COL6A2: variants seen among roughly 807,000 people sequenced by gnomAD.
COL6A2 encodes collagen type VI alpha 2 chain.
Under a neutral mutation model 124.9 loss-of-function variants are expected in COL6A2, and 90 were observed. That is an observed-to-expected ratio of 0.72 (90% confidence interval 0.61 to 0.86). The LOEUF (loss-of-function observed/expected upper bound fraction) is 0.86, where lower values mean the gene tolerates loss of function less well. COL6A2 is among the 40% of genes least tolerant of loss of function. The pLI is 0.00. For missense variants in COL6A2, 1,607 were observed against 1,502.5 expected, an observed-to-expected ratio of 1.07 and a Z score of -1.15; for synonymous variants, 793 against 618.2, an observed-to-expected ratio of 1.28 and a Z score of -4.19.
At chr21:46,113,864 C>T (rs1185573881) in intron 4 of COL6A2, 144 bp from the exon 5 acceptor site, 2 of 728,048 alleles carry the variant, frequency 2.7e-6, no homozygotes, top group South Asian at 2.9e-5. Context: ...TCACAGCTCC[C>T]TCACGCCCGC....
rs865842163 is a variant in COL6A2, at chr21:46,119,833, G to A, written c.1315G>A (p.Gly439Ser). ...PGTKGSPGSD[G>S]PKGEKGDPGP... The stretch of plus-strand genomic sequence containing the variant: ...CACCAAGGGCAGCCCAGGCAGCGAT[G>A]GCCCCAAGGGGGAGAAGGTGAGTCC... Residue 439 changes from glycine to serine, a missense_variant, in exon 15 of 28, where the codon GGC (glycine) becomes AGC (serine). Gly to Ser is a moderately conservative substitution (Grantham distance 56). Transcript: ENST00000300527. 6.4e-6 allele frequency: 10 copies of A among 1,560,890 alleles called. No individual in the cohort carries two copies. In the East Asian group the frequency reaches 2.1e-4, roughly 33 times the overall value.
At chr21:46,121,462 C>T in intron 17 of COL6A2, 94 bp from the exon 18 acceptor site, 1 of 1,238,810 alleles carries the variant, frequency 8.1e-7, no homozygotes, top group East Asian at 2.4e-5. Flanking sequence ...GCCATGTGGC[C>T]TGGTGGTCAG....
At chr21:46,120,409 C>T (rs2078545354) in intron 15 of COL6A2, 106 bp from the exon 16 acceptor site, 1 of 858,240 alleles carries the variant, frequency 1.2e-6, no homozygotes, top group Admixed American at 2.6e-5. Flanking sequence ...CGGGGTTCTT[C>T]CTCCCAGGCC....
intron 1 of COL6A2, among the ~76,000 whole-genome samples, chr21:46,099,400 G>C (rs892830235): frequency 1.4e-5 from 2 of 140,084 alleles, no homozygotes; most frequent in African/African-American, 5.2e-5. Flanking sequence ...GGAGGCTGCA[G>C]TGAGCTGAGA....
intron 12 of COL6A2, 60 bp downstream of exon 12, chr21:46,117,996 G>A: frequency 6.6e-7 from 1 of 1,524,308 alleles, no homozygotes; most frequent in East Asian, 2.3e-5. Flanking sequence ...GGGCCTCCTG[G>A]AGGCAGCCCC....
chr21:46,114,976 C>G (rs2078451482), intron 5 of COL6A2, among the ~76,000 whole-genome samples: 1 of 152,228 alleles, frequency 6.6e-6, no homozygotes, highest in South Asian at 2.1e-4. Context: ...CTGTCTAGAC[C>G]AGTAGGTATC....
chr21:46,109,321 A>C (rs914447474), intron 1 of COL6A2, among the ~76,000 whole-genome samples: 1 of 152,110 alleles, frequency 6.6e-6, no homozygotes, highest in Non-Finnish European at 1.5e-5. Context: ...GCTCTGACTG[A>C]GCCTGGGGCT....
At position 46,125,482 on chromosome 21, in the gene COL6A2, G is replaced by A; in HGVS notation, c.1834G>A (p.Gly612Ser). ...CCCCCCAGACTGTGAGAAGCGCTGT[G>A]GCGCCCTGGACGTGGTCTTCGTCAT... ...CGCCDCEKRC[G>S]ALDVVFVIDS... Residue 612 changes from glycine to serine, a missense_variant, in exon 25 of 28, where the codon GGC becomes AGC. This residue lies in a region of COL6A2 where 1,223 missense variants were observed against 1,052.2 expected (regional missense o/e 1.16). Coordinates refer to ENST00000300527, the MANE Select transcript of COL6A2 (RefSeq NM_001849.4). 6.2e-7 allele frequency: 1 copy of A among 1,612,934 alleles called. No homozygotes were observed. Among genetic ancestry groups the A allele is most frequent in the South Asian group, 1.1e-5 (1 of 91,084 alleles).
At chr21:46,117,966 G>GC (rs1568930912) in intron 12 of COL6A2, 30 bp downstream of exon 12, 5 of 1,601,938 alleles carry the variant, frequency 3.1e-6, no homozygotes, top group Non-Finnish European at 4.3e-6. Flanking sequence ...TACGGGGCAG[G>GC]CGGGGTCACC....
At position 46,124,705 on chromosome 21, in the gene COL6A2, G is replaced by C. The variant is rs775732212; in HGVS notation, c.1726G>C (p.Gly576Arg). The change falls in exon 22 of 28, where the codon GGA (glycine) becomes CGA (arginine). Residue 576 changes from glycine (G) to arginine (R), a missense_variant. By Grantham distance (125) the Gly-to-Arg change is moderately radical. This residue lies in a region of COL6A2 where 1,223 missense variants were observed against 1,052.2 expected (regional missense o/e 1.16). Transcript: ENST00000300527. ...PGPRGPRGVPGPEGEPGPPGD... is the reference protein window; with the variant it reads ...PGPRGPRGVPRPEGEPGPPGD... ...CCCTCGGGGGCCAAGAGGAGTCCCAGGACCCGAGGTAGGTTGGTGGCCAGT... is the reference window on the plus strand; with the variant it reads ...CCCTCGGGGGCCAAGAGGAGTCCCACGACCCGAGGTAGGTTGGTGGCCAGT... 1.2e-6 allele frequency: 2 copies of C among 1,612,798 alleles called. No individual in the cohort carries two copies. Among genetic ancestry groups the C allele is most frequent in the Non-Finnish European group, 1.7e-6 (2 of 1,179,910 alleles).
chr21:46,131,846 G>C, intron 27 of COL6A2, 108 bp from the exon 28 acceptor site: 1 of 1,058,658 alleles, frequency 9.4e-7, no homozygotes, highest in Non-Finnish European at 1.4e-6. Context: ...CCAGTGGTCT[G>C]TGAGGTTGCA....
rs761178457 is a variant in COL6A2, at chr21:46,132,499, G to GAC, written c.3009_3010dup (p.Ser1004ThrfsTer37). The GAC allele has an allele frequency of 6.2e-7, 1 of 1,607,918 alleles. No homozygotes were observed. The highest frequency in any genetic ancestry group is 8.5e-7 in the Non-Finnish European group (1 of 1,179,398). On this transcript the variant is annotated frameshift_variant, in exon 28 of 28. Transcript: ENST00000300527. LOFTEE classifies it high-confidence loss of function. Reference sequence around the variant, plus strand: ...CGCCGTGTTCCACGAGAAGGACTATGACAGCCTGGCGCAACCCGGCTTCTT... The same window carrying GAC: ...CGCCGTGTTCCACGAGAAGGACTATGACACAGCCTGGCGCAACCCGGCTTCTT...
rs1165241866 is a variant in COL6A2 at position 46,116,086 on chromosome 21, CCT to C, written c.900+34_900+35del. 2 of 1,554,322 alleles carry C rather than the reference CCT, an allele frequency of 1.3e-6. No individual in the cohort carries two copies. The highest frequency in any genetic ancestry group is 8.7e-7 in the Non-Finnish European group (1 of 1,149,096). On this transcript the variant is annotated intron_variant, in intron 7 of 27. Coordinates refer to ENST00000300527, the MANE Select transcript of COL6A2 (RefSeq NM_001849.4). The surrounding 1 kb of genome is among the most constrained non-coding windows in gnomAD (Gnocchi z 4.6). ...ACCTCGGCCAGGGGCTTGGCTCCAC[CCT>C]GAGGCCCCAGCACTGCCAGGCAGGC...
Position 46,132,702 on chromosome 21 carries a change from A to AGCCCCG in COL6A2, c.*156_*161dup. The AGCCCCG allele has an allele frequency of 1.2e-6, 1 of 803,952 alleles. No individual in the cohort carries two copies. Among genetic ancestry groups the AGCCCCG allele is most frequent in the Non-Finnish European group, 2.0e-6 (1 of 504,674 alleles). 49.8% of individuals were successfully genotyped at this position (803,952 alleles called of 1,614,324 possible). The stretch of plus-strand genomic sequence containing the variant: ...CCAGCTCCTCCCACGGGGTCCCCGT[A>AGCCCCG]GCCCCGGCCCCCGCCCAGCCCCAGG... On this transcript the variant is annotated 3_prime_UTR_variant, in exon 28 of 28. Coordinates refer to ENST00000300527, the MANE Select transcript of COL6A2 (RefSeq NM_001849.4).
At chr21:46,128,904 T>G in intron 27 of COL6A2, 1 of 1,612,166 alleles carries the variant, frequency 6.2e-7, no homozygotes, top group Non-Finnish European at 8.5e-7. Context: ...CCGGCACAGG[T>G]TTGGACGGAG....
At chr21:46,125,736 C>G in intron 25 of COL6A2, 49 bp from the exon 26 acceptor site, 3 of 1,602,320 alleles carry the variant, frequency 1.9e-6, no homozygotes, top group Non-Finnish European at 2.6e-6. Flanking sequence ...GCTGGGGATG[C>G]CCCAGACCCC....
intron 19 of COL6A2, 25 bp downstream of exon 19, chr21:46,122,183 CTCCCAGGAGTGGGTGGACAT>C: frequency 6.2e-7 from 1 of 1,610,916 alleles, no homozygotes; most frequent in Non-Finnish European, 8.5e-7. Context: ...GGGATGGCAG[CTCCCAGGAGTGGGTGGACAT>C]TGTCCCAAGG....
chr21:46,111,300 A>G, intron 1 of COL6A2, 150 bp from the exon 2 acceptor site: 1 of 590,434 alleles, frequency 1.7e-6, no homozygotes, highest in Non-Finnish European at 3.1e-6. Flanking sequence ...GATGCTGGTG[A>G]CGGTGTGTGC....
intron 27 of COL6A2, among the ~76,000 whole-genome samples, chr21:46,128,635 G>A (rs1419492349): frequency 6.6e-6 from 1 of 152,204 alleles, no homozygotes; most frequent in Non-Finnish European, 1.5e-5. Flanking sequence ...GTCAGGGCAG[G>A]GCGCAATCAG....
Sources: allele counts gnomAD v4.1 joint callset (sites outside exome capture counted in the v4.1 genomes callset), GRCh38; gene constraint gnomAD v4.1.1; regional missense constraint gnomAD v4.1.1; non-coding constraint Gnocchi (gnomAD v3.1); transcripts MANE v1.5; gene names NCBI Gene and HGNC (gene_info 2026-07-23, HGNC 2026-07-21).